The following ELMOD1 variants were observed in gnomAD, a reference collection of about 807,000 sequenced individuals.
ELMOD1 encodes the protein ELMO domain-containing protein 1.
In ELMOD1, 21 loss-of-function variants were observed where a neutral mutation model predicts 46.7. The ratio of observed to expected loss-of-function variants is 0.45; its 90% CI spans 0.32 to 0.65. The LOEUF (loss-of-function observed/expected upper bound fraction) is 0.65, where lower values mean the gene tolerates loss of function less well. Among genes scored for constraint, ELMOD1 ranks in the 30% least tolerant of loss-of-function variants. The probability of loss-of-function intolerance (pLI) is 0.04; values close to 1 mark genes in which losing one functional copy is unlikely to be tolerated. For missense variants in ELMOD1, 348 were observed against 407.8 expected (o/e 0.85, Z 1.26); for synonymous variants, 122 against 138.2 (o/e 0.88, Z 0.82).
At chr11:107,599,755 A>AAAAATAAAAAAAG (rs1555058610) in intron 1 of ELMOD1, among the ~76,000 whole-genome samples, 1 of 138,824 alleles carries the variant, frequency 7.2e-6, no homozygotes, top group African/African-American at 3.0e-5. Flanking sequence ...AAAAAAAGAA[A>AAAAATAAAAAAAG]AAAAGAAAAG....
At chr11:107,618,446 A>G (rs893492060) in intron 2 of ELMOD1, among the ~76,000 whole-genome samples, 1 of 152,216 alleles carries the variant, frequency 6.6e-6, no homozygotes, top group Admixed American at 6.5e-5. Flanking sequence ...GCACAAAAGC[A>G]TGGCACTTTA....
chr11:107,665,342 A>G lies in ELMOD1; in HGVS notation c.*145A>G. 1.2e-6 allele frequency: 1 copy of G among 819,812 alleles called. No individual in the cohort carries two copies. Among genetic ancestry groups the G allele is most frequent in the Non-Finnish European group, 1.9e-6 (1 of 525,288 alleles). 50.8% of individuals were successfully genotyped at this position (819,812 alleles called of 1,614,324 possible). A position where few individuals can be genotyped will look rare whatever the true frequency, so the allele number is the denominator to read the frequency against. ...ACAGTGTTTTCATCTCTTGGTCATA[A>G]TTCCGAGATCCCCAGAGACCACTGT... On this transcript the variant is annotated 3_prime_UTR_variant, in exon 12 of 12. Transcript: ENST00000265840.
chr11:107,660,401 T>C (rs1866718191), intron 11 of ELMOD1, among the ~76,000 whole-genome samples: 1 of 152,210 alleles, frequency 6.6e-6, no homozygotes, highest in African/African-American at 2.4e-5. Flanking sequence ...AAAATTGCAT[T>C]CAGTCTAAAG....
At chr11:107,663,233 G>A (rs974229052) in intron 11 of ELMOD1, among the ~76,000 whole-genome samples, 1 of 152,152 alleles carries the variant, frequency 6.6e-6, no homozygotes, top group Non-Finnish European at 1.5e-5. Flanking sequence ...TGATAGTGGG[G>A]CCCTGGCTTG....
intron 5 of ELMOD1, among the ~76,000 whole-genome samples, chr11:107,634,263 AG>A (rs1166511969): frequency 6.6e-6 from 1 of 152,208 alleles, no homozygotes; most frequent in African/African-American, 2.4e-5. Flanking sequence ...TGCTACTTTT[AG>A]ACCTTTAGAT....
At chr11:107,594,111 G>A (rs1334101763) in intron 1 of ELMOD1, among the ~76,000 whole-genome samples, 1 of 151,998 alleles carries the variant, frequency 6.6e-6, no homozygotes, top group East Asian at 1.9e-4. Flanking sequence ...TGCTGTGCCA[G>A]TAGTGTGTGT....
chr11:107,631,701 A>G (rs1866144115), intron 5 of ELMOD1, 24 bp downstream of exon 5: 2 of 1,325,124 alleles, frequency 1.5e-6, no homozygotes, highest in African/African-American at 1.5e-5. Context: ...TCTTATGTCA[A>G]AAATACAGAA....
intron 10 of ELMOD1, among the ~76,000 whole-genome samples, chr11:107,654,707 T>C (rs1701507806): frequency 6.7e-6 from 1 of 148,404 alleles, no homozygotes; most frequent in African/African-American, 2.5e-5. Context: ...AGGCGGAGCT[T>C]GCAGTGAGTG....
chr11:107,659,298 A>G (rs1338189224), intron 11 of ELMOD1, among the ~76,000 whole-genome samples: 1 of 152,070 alleles, frequency 6.6e-6, no homozygotes, highest in Non-Finnish European at 1.5e-5. Context: ...TGTATTTACC[A>G]TGCTCATTAG....
At chr11:107,662,342 G>A (rs1465201335) in intron 11 of ELMOD1, among the ~76,000 whole-genome samples, 3 of 152,202 alleles carry the variant, frequency 2.0e-5, no homozygotes, top group Non-Finnish European at 4.4e-5. Flanking sequence ...CAGGCACAGT[G>A]GCTCACGCCT....
intron 6 of ELMOD1, among the ~76,000 whole-genome samples, chr11:107,642,398 T>C (rs1866340649): frequency 6.6e-6 from 1 of 151,990 alleles, no homozygotes; most frequent in Admixed American, 6.6e-5. Flanking sequence ...AGATGGAGTC[T>C]CACTCTGTCA....
At chr11:107,657,600 A>G (rs1323324621) in intron 11 of ELMOD1, among the ~76,000 whole-genome samples, 2 of 152,216 alleles carry the variant, frequency 1.3e-5, no homozygotes, top group African/African-American at 4.8e-5. Flanking sequence ...CCAGTTTAGA[A>G]TTTTACACCC....
intron 5 of ELMOD1, among the ~76,000 whole-genome samples, chr11:107,635,304 A>G (rs980747322): frequency 6.6e-6 from 1 of 152,180 alleles, no homozygotes; most frequent in Non-Finnish European, 1.5e-5. Context: ...TGGTAGAGAT[A>G]GGATCTTGCT....
At chr11:107,592,644 G>C in intron 1 of ELMOD1, 3 of 271,802 alleles carry the variant, frequency 1.1e-5, no homozygotes, top group Admixed American at 4.4e-5. Context: ...GCACACTCTT[G>C]TATCTACATT....
At chr11:107,642,091 C>T (rs899954857) in intron 6 of ELMOD1, among the ~76,000 whole-genome samples, 2 of 151,476 alleles carry the variant, frequency 1.3e-5, no homozygotes, top group African/African-American at 4.8e-5. Flanking sequence ...TTACAGGCAC[C>T]TGCCACCATG....
chr11:107,651,177 G>GTT (rs1197061947), intron 9 of ELMOD1, among the ~76,000 whole-genome samples: 2 of 152,186 alleles, frequency 1.3e-5, no homozygotes, highest in Non-Finnish European at 1.5e-5. Context: ...CCTAAAGGCT[G>GTT]AACACCTCAC....
intron 9 of ELMOD1, 39 bp from the exon 10 acceptor site, chr11:107,654,132 GT>G (rs1472916088): frequency 6.5e-7 from 1 of 1,531,928 alleles, no homozygotes; most frequent in South Asian, 1.2e-5. Flanking sequence ...CCAATTAGAG[GT>G]TAAATCTGAC....
At chr11:107,662,380 G>T (rs1866754825) in intron 11 of ELMOD1, among the ~76,000 whole-genome samples, 1 of 152,164 alleles carries the variant, frequency 6.6e-6, no homozygotes, top group Admixed American at 6.5e-5. Flanking sequence ...GGAGGCTGAG[G>T]CGGGCGGATC....
At position 107,591,209 on chromosome 11, in the gene ELMOD1, A is replaced by C. The variant is rs2135635833; in HGVS notation, c.-286A>C. ...CGGCTTGCTCCGCTCCACGCGACCC[A>C]GATTCCTGCCCCGCCCCCGCCCCTT... On this transcript the variant is annotated 5_prime_UTR_variant, in exon 1 of 12. Transcript: ENST00000265840. 6.6e-6 allele frequency: 1 copy of C among 152,020 alleles called. No homozygotes were observed. Among genetic ancestry groups the C allele is most frequent in the East Asian group, 2.0e-4 (1 of 5,126 alleles). The allele number at this position is 152,020 out of a possible 1,614,324, so 9.4% of individuals were successfully genotyped here. A position where few individuals can be genotyped will look rare whatever the true frequency, so the allele number is the denominator to read the frequency against.
Sources: allele counts gnomAD v4.1 joint callset (sites outside exome capture counted in the v4.1 genomes callset), GRCh38; gene constraint gnomAD v4.1.1; transcripts MANE v1.5; gene names NCBI Gene and HGNC (gene_info 2026-07-23, HGNC 2026-07-21).